Variants in KALRN observed in about 807,000 individuals in gnomAD.
The protein encoded by KALRN is kalirin.
In KALRN, 70 loss-of-function variants were observed where a neutral mutation model predicts 353.7. That is an observed-to-expected ratio of 0.20 (90% CI 0.16 to 0.24). The LOEUF (loss-of-function observed/expected upper bound fraction) is 0.24, where lower values mean the gene tolerates loss of function less well. Ranked by LOEUF, KALRN falls within the 10% of genes least tolerant of loss-of-function variation. KALRN has a pLI of 1.00. For missense variants in KALRN, 2,791 were observed against 3,756.7 expected (o/e 0.74, Z 6.72); for synonymous variants, 1,391 against 1,434.8 (o/e 0.97, Z 0.69).
chr3:124,068,982 A>G (rs1180788077), intron 1 of KALRN, among the ~76,000 whole-genome samples: 5 of 152,178 alleles, frequency 3.3e-5, no homozygotes, highest in Admixed American at 2.6e-4. Context: ...TGGGTGTCTG[A>G]CCTCCTGCTT....
At chr3:124,095,678 A>G (rs1164869917) in intron 1 of KALRN, 2 of 152,258 alleles carry the variant, frequency 1.3e-5, no homozygotes, top group Non-Finnish European at 2.9e-5. Flanking sequence ...TAATGCAATT[A>G]AAGTCTTCTG....
intron 13 of KALRN, among the ~76,000 whole-genome samples, chr3:124,410,555 A>G (rs1230477318): frequency 6.6e-6 from 1 of 152,230 alleles, no homozygotes; most frequent in African/African-American, 2.4e-5. Context: ...CATCTTACAA[A>G]AGTAGATATA....
chr3:124,509,517 A>G (rs1469188731), intron 33 of KALRN, among the ~76,000 whole-genome samples: 1 of 152,184 alleles, frequency 6.6e-6, no homozygotes, highest in East Asian at 1.9e-4. Flanking sequence ...CACATTTAGT[A>G]TTTTAGGGTA....
At chr3:124,698,396 G>C (rs575568603) in intron 55 of KALRN, among the ~76,000 whole-genome samples, 2 of 152,202 alleles carry the variant, frequency 1.3e-5, no homozygotes, top group African/African-American at 4.8e-5. Flanking sequence ...CAGCACAGAG[G>C]CCTCAGTGCC....
At chr3:124,576,066 C>T (rs1486336178) in intron 34 of KALRN, among the ~76,000 whole-genome samples, 1 of 151,750 alleles carries the variant, frequency 6.6e-6, no homozygotes, top group Non-Finnish European at 1.5e-5. Context: ...CTGCTTGGAA[C>T]ACACCAGATA....
At chr3:124,061,039 T>G (rs2041956584) in intron 1 of KALRN, among the ~76,000 whole-genome samples, 1 of 152,164 alleles carries the variant, frequency 6.6e-6, no homozygotes, top group Non-Finnish European at 1.5e-5. Flanking sequence ...ATTAAATTAT[T>G]AAGAAATTGG....
Position 124,368,557 on chromosome 3 carries a change from A to G in KALRN, c.1771-16288A>G, listed in dbSNP as rs1274309060. ...CCTAGATGGGATGGCGGCCGGGCGG[A>G]GACGCTCCTCACTTTCCAGACTGGG... On this transcript the variant is annotated intron_variant, in intron 10 of 59. Transcript: ENST00000682506. 2.0e-5 allele frequency among the ~76,000 whole-genome samples: 3 copies of G among 147,704 alleles called. No homozygotes were observed. The South Asian group carries it at 6.7e-4, about 33-fold the overall frequency.
At chr3:124,116,756 A>G (rs1164140430) in intron 1 of KALRN, among the ~76,000 whole-genome samples, 51 of 152,234 alleles carry the variant, frequency 3.4e-4, no homozygotes, top group Admixed American at 3.3e-3. Flanking sequence ...GCAATAACTA[A>G]TAATAAATAG....
intron 44 of KALRN, 80 bp downstream of exon 44, chr3:124,661,053 A>G: frequency 8.7e-7 from 1 of 1,155,874 alleles, no homozygotes; most frequent in Non-Finnish European, 1.3e-6. Context: ...AGATTGTCTC[A>G]GGAGGACCGT....
intron 1 of KALRN, among the ~76,000 whole-genome samples, chr3:124,139,024 G>A (rs927245528): frequency 2.6e-5 from 4 of 152,154 alleles, no homozygotes; most frequent in African/African-American, 9.7e-5. Flanking sequence ...AGTGGGGACC[G>A]GGGAGCATAT....
chr3:124,245,518 TG>T (rs1278894735), intron 3 of KALRN, among the ~76,000 whole-genome samples: 2 of 150,554 alleles, frequency 1.3e-5, no homozygotes, highest in Non-Finnish European at 2.9e-5. Flanking sequence ...GTGGGATTGC[TG>T]GATCATACGG....
At chr3:124,215,955 G>A (rs765767636) in intron 1 of KALRN, among the ~76,000 whole-genome samples, 1 of 152,112 alleles carries the variant, frequency 6.6e-6, no homozygotes, top group Non-Finnish European at 1.5e-5. Context: ...GTCATGAATC[G>A]AGGAAGGGCC....
chr3:124,237,151 G>A (rs1306976849), intron 3 of KALRN, among the ~76,000 whole-genome samples: 1 of 152,222 alleles, frequency 6.6e-6, no homozygotes, highest in Non-Finnish European at 1.5e-5. Context: ...TAGCAGGTCA[G>A]ATTATATTTG....
chr3:124,239,360 C>T (rs1324717157), intron 3 of KALRN, among the ~76,000 whole-genome samples: 1 of 152,142 alleles, frequency 6.6e-6, no homozygotes, highest in Non-Finnish European at 1.5e-5. Flanking sequence ...ACTTTTATTG[C>T]ATTGAATTCC....
At chr3:124,071,204 C>T (rs971529489) in intron 1 of KALRN, among the ~76,000 whole-genome samples, 47 of 152,260 alleles carry the variant, frequency 3.1e-4, no homozygotes, top group African/African-American at 1.1e-3. Flanking sequence ...TCAGATGTTA[C>T]CTGGTGGGTG....
chr3:124,477,177 C>T, intron 26 of KALRN, 68 bp from the exon 27 acceptor site: 1 of 1,170,460 alleles, frequency 8.5e-7, no homozygotes. Context: ...TTGCTGGGTC[C>T]TTCAGCATGG....
intron 37 of KALRN, among the ~76,000 whole-genome samples, chr3:124,641,240 T>C (rs569342285): frequency 1.3e-3 from 196 of 152,322 alleles, no homozygotes; most frequent in African/African-American, 4.5e-3. Flanking sequence ...CCATGAGTCC[T>C]TCTGGACATT....
At chr3:124,406,402 C>G (rs2091543704) in intron 13 of KALRN, among the ~76,000 whole-genome samples, 1 of 152,106 alleles carries the variant, frequency 6.6e-6, no homozygotes, top group South Asian at 2.1e-4. Flanking sequence ...TCGTGGTAAC[C>G]TATATCAAAA....
intron 27 of KALRN, among the ~76,000 whole-genome samples, chr3:124,478,286 T>C (rs1286671687): frequency 6.6e-6 from 1 of 152,224 alleles, no homozygotes; most frequent in Non-Finnish European, 1.5e-5. Context: ...CCTACCTGTT[T>C]TCATTTTTTT....
Sources: allele counts gnomAD v4.1 joint callset (sites outside exome capture counted in the v4.1 genomes callset), GRCh38; gene constraint gnomAD v4.1.1; transcripts MANE v1.5; gene names NCBI Gene and HGNC (gene_info 2026-07-23, HGNC 2026-07-21).